The following GRK5 variants were observed in gnomAD, a reference collection of about 807,000 sequenced individuals.
GRK5 encodes the protein G protein-coupled receptor kinase 5, also known as g protein-coupled receptor kinase GRK5.
A neutral mutation model predicts 78.4 loss-of-function variants in GRK5; 40 were observed. That is an observed-to-expected ratio of 0.51 (90% CI 0.40 to 0.66). The LOEUF (loss-of-function observed/expected upper bound fraction) is 0.66, where lower values mean the gene tolerates loss of function less well. GRK5 is among the 30% of genes least tolerant of loss of function. GRK5 has a pLI of 0.00. For missense variants in GRK5, 598 were observed against 759.9 expected (o/e 0.79, Z 2.50); for synonymous variants, 289 against 296.8 (o/e 0.97, Z 0.27).
intron 1 of GRK5, among the ~76,000 whole-genome samples, chr10:119,279,240 C>G (rs531290563): frequency 5.9e-5 from 9 of 152,180 alleles, no homozygotes; most frequent in Non-Finnish European, 1.2e-4. Flanking sequence ...AATGAATGGC[C>G]TCATTTTTGC....
At chr10:119,208,523 C>T (rs2133691159) in intron 1 of GRK5, 1 of 153,512 alleles carries the variant, frequency 6.5e-6, no homozygotes, top group African/African-American at 2.4e-5. Flanking sequence ...AGGAATTAGC[C>T]TTTTCATAGA....
intron 1 of GRK5, among the ~76,000 whole-genome samples, chr10:119,216,491 C>T (rs774743623): frequency 1.3e-5 from 2 of 152,030 alleles, no homozygotes; most frequent in Non-Finnish European, 2.9e-5. Flanking sequence ...CTTGGTTTAA[C>T]GGATGGGGAA....
In GRK5 at chr10:119,227,152, G is replaced by A. The variant is rs143869514; in HGVS notation, c.52+19183G>A. 1.4e-4 allele frequency among the ~76,000 whole-genome samples: 22 copies of A among 152,208 alleles called. No homozygotes were observed. The East Asian group carries it at 3.9e-3, about 27-fold the overall frequency. On this transcript the variant is annotated intron_variant, in intron 1 of 15. Transcript: ENST00000392870. The stretch of plus-strand genomic sequence containing the variant: ...ATTACAGGTATGAGCCACCACTACT[G>A]GCCTGCCTCTCTGTATCTTTATCAT...
chr10:119,351,177 A>G (rs1446890013), intron 2 of GRK5, among the ~76,000 whole-genome samples: 6 of 152,200 alleles, frequency 3.9e-5, no homozygotes, highest in Admixed American at 3.9e-4. Flanking sequence ...TAATTCCACT[A>G]TGTTATTACT....
In GRK5 at chr10:119,231,605, G is replaced by A. The variant is rs147296510; in HGVS notation, c.52+23636G>A. 9.8e-3 allele frequency among the ~76,000 whole-genome samples: 1,482 copies of A among 151,656 alleles called. 30 individuals are homozygous for A. Among genetic ancestry groups the A allele is most frequent in the African/African-American group, 0.034 (1,422 of 41,322 alleles). On this transcript the variant is annotated intron_variant, in intron 1 of 15. Transcript: ENST00000392870. ...GCCTGTAATCCCAGCTACTTGGGAG[G>A]CTGAGACAGGAGAATCGCTTGAACC...
At chr10:119,344,922 C>CTTCA (rs1554909264) in intron 2 of GRK5, among the ~76,000 whole-genome samples, 7 of 144,622 alleles carry the variant, frequency 4.8e-5, no homozygotes, top group African/African-American at 1.8e-4. Context: ...TCCTTCCTTC[C>CTTCA]TTCCTTCCTT....
At position 119,458,620 on chromosome 10, in the gene GRK5, G is replaced by A. The variant is rs1853437222; in HGVS notation, c.*3553G>A. The A allele has an allele frequency of 6.7e-6, 1 of 148,770 alleles. No individual in the cohort carries two copies. The allele number at this position is 148,770 out of a possible 1,614,324, so 9.2% of individuals were successfully genotyped here. On this transcript the variant is annotated 3_prime_UTR_variant, in exon 16 of 16. Coordinates refer to ENST00000392870, the MANE Select transcript of GRK5 (RefSeq NM_005308.3). ...AGACAAATGGTGGTGGGAAGTCCTGGGAACACACACAGCCTTTGCATTGAC... is the reference window on the plus strand; with the variant it reads ...AGACAAATGGTGGTGGGAAGTCCTGAGAACACACACAGCCTTTGCATTGAC...
chr10:119,394,169 A>AC (rs1851942997), intron 3 of GRK5, among the ~76,000 whole-genome samples: 1 of 18,448 alleles, frequency 5.4e-5, no homozygotes, highest in African/African-American at 2.2e-4. Flanking sequence ...TGTGGGTTTG[A>AC]GTGTGTGTGT....
At chr10:119,245,269 T>C (rs1849089402) in intron 1 of GRK5, among the ~76,000 whole-genome samples, 1 of 151,868 alleles carries the variant, frequency 6.6e-6, no homozygotes, top group Non-Finnish European at 1.5e-5. Flanking sequence ...AGAGCAAGAC[T>C]CTTTCTTAAA....
intron 2 of GRK5, among the ~76,000 whole-genome samples, chr10:119,357,296 G>A (rs774566986): frequency 6.6e-6 from 1 of 152,222 alleles, no homozygotes; most frequent in East Asian, 1.9e-4. Context: ...CCTTGCTCTA[G>A]GCAAATTCCC....
chr10:119,307,898 C>T (rs923625307), intron 1 of GRK5, among the ~76,000 whole-genome samples: 2 of 152,128 alleles, frequency 1.3e-5, no homozygotes, highest in Non-Finnish European at 2.9e-5. Flanking sequence ...CCTTTTAAAG[C>T]CCCACTGCCT....
chr10:119,207,697 G>C lies in GRK5; in HGVS notation c.-221G>C. On this transcript the variant is annotated 5_prime_UTR_variant, in exon 1 of 16. Transcript: ENST00000392870. Reference sequence around the variant, plus strand: ...GGAGGGGGGAGGGGGGACACAGAGGGAGGAAGAAGCGGCGGCGGCGGCGGC... The same window carrying C: ...GGAGGGGGGAGGGGGGACACAGAGGCAGGAAGAAGCGGCGGCGGCGGCGGC... The C allele has an allele frequency of 2.4e-6, 1 of 410,118 alleles. No homozygotes were observed. The highest frequency in any genetic ancestry group is 4.0e-6 in the Non-Finnish European group (1 of 251,446). The allele number at this position is 410,118 out of a possible 1,614,324, so 25.4% of individuals were successfully genotyped here.
Position 119,354,395 on chromosome 10 carries a change from C to CTTTT in GRK5, c.149-26399_149-26396dup, listed in dbSNP as rs60146483. Among the ~76,000 whole-genome samples, 125 of 87,800 alleles carry CTTTT rather than the reference C, an allele frequency of 1.4e-3. 1 individual carries two copies. Among genetic ancestry groups the CTTTT allele is most frequent in the Middle Eastern group, 0.012 (1 of 82 alleles). The allele number at this position is 87,800 out of a possible 152,430, so 57.6% of individuals were successfully genotyped here. On this transcript the variant is annotated intron_variant, in intron 2 of 15. Transcript: ENST00000392870. ...ACTGCAACTTTGTGCCCTACATCTC[C>CTTTT]TTTTTTTTTTTTTTTTTTTTTTTTG...
chr10:119,226,181 T>C (rs1253579274), intron 1 of GRK5, among the ~76,000 whole-genome samples: 1 of 152,014 alleles, frequency 6.6e-6, no homozygotes, highest in East Asian at 1.9e-4. Flanking sequence ...GGTTTCATCA[T>C]ATTGGCCAGT....
chr10:119,360,024 G>A (rs1057326696), intron 2 of GRK5, among the ~76,000 whole-genome samples: 13 of 151,080 alleles, frequency 8.6e-5, no homozygotes, highest in Non-Finnish European at 1.6e-4. Context: ...GTGGAGGGAA[G>A]CTGAGGGAGG....
At chr10:119,401,326 C>A (rs1403474537) in intron 4 of GRK5, among the ~76,000 whole-genome samples, 1 of 152,220 alleles carries the variant, frequency 6.6e-6, no homozygotes, top group Non-Finnish European at 1.5e-5. Flanking sequence ...AGAGGCAAAC[C>A]CCACTCCGTA....
chr10:119,326,430 G>T (rs536374803), intron 1 of GRK5, 86 bp from the exon 2 acceptor site: 8 of 1,092,254 alleles, frequency 7.3e-6, no homozygotes, highest in Non-Finnish European at 1.1e-5. Flanking sequence ...CTGTCTCTCA[G>T]CCCAGGAGGC....
chr10:119,250,654 C>T (rs1849184871), intron 1 of GRK5, among the ~76,000 whole-genome samples: 3 of 151,892 alleles, frequency 2.0e-5, no homozygotes, highest in Admixed American at 2.0e-4. Context: ...TGGCCCTACA[C>T]CACATATTCC....
intron 4 of GRK5, among the ~76,000 whole-genome samples, chr10:119,421,326 AAAGTTCTCCAAGT>A (rs1447932285): frequency 2.6e-5 from 4 of 152,184 alleles, no homozygotes; most frequent in African/African-American, 9.7e-5. Context: ...AATTTCCAAG[AAAGTTCTCCAAGT>A]CTTAGAGGCA....
Sources: gnomAD v4.1 joint callset for allele counts (sites outside exome capture counted in the v4.1 genomes callset) on GRCh38, gnomAD v4.1.1 for gene constraint, MANE v1.5 for transcripts, NCBI Gene and HGNC (gene_info 2026-07-23, HGNC 2026-07-21) for gene names.